The following CTNNA2 variants were observed in gnomAD, a reference collection of about 807,000 sequenced individuals.
CTNNA2 encodes the protein catenin alpha 2.
In CTNNA2, 42 loss-of-function variants were observed where a neutral mutation model predicts 101.0. The ratio of observed to expected loss-of-function variants is 0.42; its 90% CI spans 0.32 to 0.54. CTNNA2 has a LOEUF of 0.54. Ranked by LOEUF, CTNNA2 falls within the 20% of genes least tolerant of loss-of-function variation. The pLI, the probability that CTNNA2 is intolerant of heterozygous loss-of-function variation, is 0.14. For missense variants in CTNNA2, 871 were observed against 1,223.1 expected, an observed-to-expected ratio of 0.71 and a Z score of 4.29; for synonymous variants, 450 against 456.4, an observed-to-expected ratio of 0.99 and a Z score of 0.18.
intron 7 of CTNNA2, among the ~76,000 whole-genome samples, chr2:80,006,418 T>C (rs1338783896): frequency 6.6e-6 from 1 of 151,220 alleles, no homozygotes; most frequent in Non-Finnish European, 1.5e-5. Flanking sequence ...ATAACTTGTC[T>C]AGAACCCTAC....
At chr2:80,045,555 C>T (rs1047459412) in intron 7 of CTNNA2, among the ~76,000 whole-genome samples, 18 of 152,100 alleles carry the variant, frequency 1.2e-4, no homozygotes, top group African/African-American at 4.3e-4. Context: ...CGCAAGTTAC[C>T]ATTAAATCAT....
chr2:80,619,035 T>C (rs930186531), intron 17 of CTNNA2, 50 bp from the exon 18 acceptor site: 11 of 1,251,292 alleles, frequency 8.8e-6, no homozygotes, highest in Non-Finnish European at 1.0e-5. Flanking sequence ...TTTTTTTTTT[T>C]CTTTTGCTCT....
At chr2:80,291,312 T>C (rs193104999) in intron 7 of CTNNA2, among the ~76,000 whole-genome samples, 34 of 152,300 alleles carry the variant, frequency 2.2e-4, no homozygotes, top group Middle Eastern at 3.4e-3. Flanking sequence ...CCTAACAAAT[T>C]GGAGAACTAG....
chr2:80,386,254 G>T (rs895675683), intron 7 of CTNNA2, among the ~76,000 whole-genome samples: 16 of 152,090 alleles, frequency 1.1e-4, no homozygotes, highest in African/African-American at 3.9e-4. Context: ...GACCAAGAAA[G>T]CTAGGTTGTG....
chr2:79,473,325 TA>T (rs1431205850), intron 4 of CTNNA2, among the ~76,000 whole-genome samples: 1 of 151,990 alleles, frequency 6.6e-6, no homozygotes, highest in East Asian at 1.9e-4. Flanking sequence ...TTTGAAAAAT[TA>T]AAAAAAGACA....
At chr2:79,500,145 T>C (rs1671303775) in intron 4 of CTNNA2, among the ~76,000 whole-genome samples, 1 of 152,230 alleles carries the variant, frequency 6.6e-6, no homozygotes, top group Non-Finnish European at 1.5e-5. Context: ...TCACATACTC[T>C]TTCAGATCTG....
chr2:79,645,896 A>G (rs895678680), intron 1 of CTNNA2, among the ~76,000 whole-genome samples: 1 of 152,352 alleles, frequency 6.6e-6, no homozygotes, highest in African/African-American at 2.4e-5. Flanking sequence ...GACAGGCATT[A>G]TCAGTCATTA....
intron 15 of CTNNA2, among the ~76,000 whole-genome samples, chr2:80,598,420 G>C (rs1018918481): frequency 6.6e-6 from 1 of 151,850 alleles, no homozygotes; most frequent in Non-Finnish European, 1.5e-5. Context: ...ATAAAGCTAT[G>C]TAACCTGTAC....
At chr2:80,278,435 C>T (rs1215689493) in intron 7 of CTNNA2, among the ~76,000 whole-genome samples, 3 of 152,090 alleles carry the variant, frequency 2.0e-5, no homozygotes, top group Admixed American at 6.5e-5. Context: ...AGTTCTCACC[C>T]ATGGTCTGGT....
chr2:79,849,508 C>CTGATTGT (rs1680507302), intron 3 of CTNNA2, among the ~76,000 whole-genome samples: 1 of 152,056 alleles, frequency 6.6e-6, no homozygotes, highest in Non-Finnish European at 1.5e-5. Flanking sequence ...GAGAAAAATT[C>CTGATTGT]TGATTGTTGA....
intron 1 of CTNNA2, among the ~76,000 whole-genome samples, chr2:79,542,175 G>A (rs1237374969): frequency 6.6e-6 from 1 of 152,072 alleles, no homozygotes; most frequent in African/African-American, 2.4e-5. Flanking sequence ...ATAACCTGAA[G>A]GGTTTTGTCT....
At chr2:79,354,490 T>C (rs1430992310) in intron 3 of CTNNA2, among the ~76,000 whole-genome samples, 2 of 152,324 alleles carry the variant, frequency 1.3e-5, no homozygotes, top group African/African-American at 2.4e-5. Context: ...TCCAACTGTA[T>C]TATAGAATTC....
At chr2:79,559,370 T>A (rs1459116879) in intron 1 of CTNNA2, among the ~76,000 whole-genome samples, 1 of 151,886 alleles carries the variant, frequency 6.6e-6, no homozygotes, top group Non-Finnish European at 1.5e-5. Context: ...TGTGGGGCGG[T>A]TCCAAGGATT....
intron 7 of CTNNA2, among the ~76,000 whole-genome samples, chr2:80,216,998 C>T (rs542350241): frequency 6.6e-6 from 1 of 151,950 alleles, no homozygotes; most frequent in Non-Finnish European, 1.5e-5. Context: ...CCACCACAAC[C>T]AGCTAATTTT....
intron 9 of CTNNA2, among the ~76,000 whole-genome samples, chr2:80,531,227 C>T (rs187430388): frequency 1.3e-5 from 2 of 152,332 alleles, no homozygotes; most frequent in African/African-American, 4.8e-5. Context: ...AGTTGTGACA[C>T]AGGTTCCCAG....
intron 7 of CTNNA2, among the ~76,000 whole-genome samples, chr2:80,177,980 G>A (rs1705504693): frequency 1.3e-5 from 2 of 152,192 alleles, no homozygotes; most frequent in African/African-American, 4.8e-5. Flanking sequence ...CCTAGAAAGG[G>A]GCTGTAGTGC....
chr2:80,454,458 AT>A (rs1426207014), intron 9 of CTNNA2, among the ~76,000 whole-genome samples: 15 of 152,212 alleles, frequency 9.9e-5, no homozygotes, highest in African/African-American at 3.6e-4. Context: ...ACTGTAGTCC[AT>A]CCCCAAAGAG....
chr2:80,546,143 A>T, intron 11 of CTNNA2, 80 bp downstream of exon 11: 1 of 1,534,628 alleles, frequency 6.5e-7, no homozygotes, highest in Non-Finnish European at 8.8e-7. Context: ...CGCAAATGTC[A>T]TGGATCTGTG....
intron 9 of CTNNA2, among the ~76,000 whole-genome samples, chr2:80,459,584 T>A (rs1193031943): frequency 2.0e-5 from 3 of 151,442 alleles, no homozygotes; most frequent in Admixed American, 1.3e-4. Flanking sequence ...GTTAAGGGAG[T>A]CTGTTGAAAG....
Sources: allele counts gnomAD v4.1 joint callset (sites outside exome capture counted in the v4.1 genomes callset), GRCh38; gene constraint gnomAD v4.1.1; transcripts MANE v1.5; gene names NCBI Gene and HGNC (gene_info 2026-07-23, HGNC 2026-07-21).